ABCA1: variants seen among roughly 807,000 people sequenced by gnomAD.
ABCA1 encodes the protein phospholipid-transporting ATPase ABCA1.
A neutral mutation model predicts 262.5 loss-of-function variants in ABCA1; 133 were observed. The observed-to-expected ratio is 0.51, with a 90% CI of 0.44 to 0.59. The LOEUF (loss-of-function observed/expected upper bound fraction) is 0.59. Among genes scored for constraint, ABCA1 ranks in the 20% least tolerant of loss-of-function variants. The pLI is 0.00. For missense variants in ABCA1, 2,452 were observed against 2,777.5 expected (o/e 0.88, Z 2.63); for synonymous variants, 1,022 against 1,043.5 (o/e 0.98, Z 0.40).
intron 3 of ABCA1, 60 bp downstream of exon 3, chr9:104,889,042 T>G: frequency 1.4e-6 from 2 of 1,470,418 alleles, no homozygotes; most frequent in South Asian, 2.3e-5. Context: ...TTAGCCCACG[T>G]TAATTGCCTG....
chr9:104,796,215 G>T lies in ABCA1; in HGVS notation c.5238-18C>A. ...TTGACCACCTGTTGAGACACAAAAAGATAAGTGTCTACTGAGAGTCCCTGC... is the reference window on the plus strand; with the variant it reads ...TTGACCACCTGTTGAGACACAAAAATATAAGTGTCTACTGAGAGTCCCTGC... On this transcript the variant is annotated intron_variant, in intron 38 of 49. Coordinates refer to ENST00000374736, the MANE Select transcript of ABCA1 (RefSeq NM_005502.4). The T allele has an allele frequency of 6.2e-7, 1 of 1,614,156 alleles. No homozygotes were observed. Among genetic ancestry groups the T allele is most frequent in the Non-Finnish European group, 8.5e-7 (1 of 1,180,012 alleles).
At position 104,791,963 on chromosome 9, in the gene ABCA1, C is replaced by A. The variant is rs1829465556; in HGVS notation, c.5793G>T (p.Arg1931Ser). 1.9e-6 allele frequency: 3 copies of A among 1,613,568 alleles called. No individual in the cohort carries two copies. In the African/African-American group the frequency reaches 4.0e-5, roughly 22 times the overall value. ...YRRKRKPAVD[R>S]ICVGIPPGEC... is the part of the protein sequence containing the mutation. The stretch of plus-strand genomic sequence containing the variant: ...CACCAGGAGGAATGCCCACGCAAAT[C>A]CTGTCAACAGCAGGCTTCCGCTTCC... Residue 1931 changes from arginine to serine, a missense_variant, in exon 43 of 50, where the codon AGG becomes AGT. Arg to Ser is a moderately radical substitution (Grantham distance 110). Transcript: ENST00000374736.
rs758876983 is a variant in ABCA1, at chr9:104,831,814, T to C, written c.1523A>G (p.Asn508Ser). 13 of 1,614,090 alleles carry C rather than the reference T, an allele frequency of 8.1e-6. No homozygotes were observed. Among genetic ancestry groups the C allele is most frequent in the Non-Finnish European group, 1.1e-5 (13 of 1,180,050 alleles). ...TTCTGTTGCTATGGGTTCTAGCTTG[T>C]TCAGGTTGACACACTGATAGAAGAA... ...ISRFMECVNL[N>S]KLEPIATEVW... is the part of the protein sequence containing the mutation. Residue 508 changes from asparagine to serine, a missense_variant, in exon 13 of 50, where the codon AAC (asparagine) becomes AGC (serine). By Grantham distance (46) the Asn-to-Ser change is conservative. This residue lies in a region of ABCA1 where 1,032 missense variants were observed against 1,089.7 expected (regional missense o/e 0.95). Coordinates refer to ENST00000374736, the MANE Select transcript of ABCA1 (RefSeq NM_005502.4).
At chr9:104,876,905 A>T (rs1838213230) in intron 5 of ABCA1, among the ~76,000 whole-genome samples, 1 of 152,248 alleles carries the variant, frequency 6.6e-6, no homozygotes, top group African/African-American at 2.4e-5. Context: ...TGGGGGCCTG[A>T]GGCTGACACA....
rs1215941640 is a variant in ABCA1, at chr9:104,903,729, A to C, written c.-50T>G. On this transcript the variant is annotated 5_prime_UTR_variant, in exon 2 of 50. Transcript: ENST00000374736. ...GTGTGGCTCGGGAGCCCTGGAAGGC[A>C]GCGGCCAGAGCTCACAGCAGGGACG... 1 of 1,534,204 alleles carries C rather than the reference A, an allele frequency of 6.5e-7. No homozygotes were observed. The highest frequency in any genetic ancestry group is 2.0e-5 in the Admixed American group (1 of 51,262).
chr9:104,875,354 A>G (rs1394477279), intron 5 of ABCA1, among the ~76,000 whole-genome samples: 3 of 149,850 alleles, frequency 2.0e-5, no homozygotes, highest in Non-Finnish European at 4.5e-5. Context: ...TCCATCTCAA[A>G]AAAAAAAAAA....
chr9:104,879,063 G>C (rs1021573399), intron 5 of ABCA1, among the ~76,000 whole-genome samples: 1 of 150,780 alleles, frequency 6.6e-6, no homozygotes, highest in Admixed American at 6.6e-5. Flanking sequence ...GACAGAGCGA[G>C]GCTCTGTCTT....
chr9:104,827,566 G>A (rs2118993207), intron 15 of ABCA1, among the ~76,000 whole-genome samples: 1 of 152,306 alleles, frequency 6.6e-6, no homozygotes, highest in African/African-American at 2.4e-5. Flanking sequence ...CAAGGAAAAT[G>A]GCCAGGCAAC....
intron 7 of ABCA1, among the ~76,000 whole-genome samples, chr9:104,846,266 T>C (rs1042264707): frequency 6.6e-6 from 1 of 152,216 alleles, no homozygotes; most frequent in Non-Finnish European, 1.5e-5. Flanking sequence ...AGAATTGCTA[T>C]AGCTGAGGAG....
intron 5 of ABCA1, among the ~76,000 whole-genome samples, chr9:104,862,639 CGG>C (rs1379099383): frequency 1.1e-3 from 6 of 5,376 alleles, no homozygotes; most frequent in Admixed American, 3.5e-3. Context: ...ACTGCCGGGC[CGG>C]GCCGGGCCGG....
chr9:104,838,485 C>T (rs1337489256), intron 9 of ABCA1, among the ~76,000 whole-genome samples: 6 of 150,678 alleles, frequency 4.0e-5, no homozygotes, highest in East Asian at 3.9e-4. Flanking sequence ...GGCATGGTGG[C>T]GGGCACCTGC....
chr9:104,861,304 T>C (rs1836363363), intron 6 of ABCA1: 1 of 357,248 alleles, frequency 2.8e-6, no homozygotes, highest in South Asian at 3.7e-5. Context: ...CTGTCCTCAA[T>C]TTTTTAGACA....
intron 2 of ABCA1, 27 bp downstream of exon 2, chr9:104,903,587 C>G (rs940339761): frequency 2.6e-6 from 4 of 1,566,728 alleles, no homozygotes; most frequent in Non-Finnish European, 3.5e-6. Context: ...TGAGAGAACC[C>G]CCCGCTGCTG....
chr9:104,792,183 G>A (rs943916351), intron 42 of ABCA1, among the ~76,000 whole-genome samples, 185 bp from the exon 43 acceptor site: 2 of 152,196 alleles, frequency 1.3e-5, no homozygotes, highest in African/African-American at 4.8e-5. Context: ...GCTTCTGAAT[G>A]ATTCTGAAGC....
At chr9:104,846,270 T>C (rs1314586177) in intron 7 of ABCA1, among the ~76,000 whole-genome samples, 1 of 152,242 alleles carries the variant, frequency 6.6e-6, no homozygotes, top group Non-Finnish European at 1.5e-5. Context: ...TTGCTATAGC[T>C]GAGGAGCCTC....
Position 104,824,239 on chromosome 9 carries a change from CAAAG to C in ABCA1, c.2656+222_2656+225del, listed in dbSNP as rs56083895. Among the ~76,000 whole-genome samples the C allele has an allele frequency of 0.06, 9,133 of 152,230 alleles. 457 individuals carry two copies. The highest frequency in any genetic ancestry group is 0.28 in the East Asian group (1,436 of 5,130). ...GATACTCTTCTAGAAGCCAAGACAA[CAAAG>C]AAAATGTCCCTCAGGGATCGAGACC... On this transcript the variant is annotated intron_variant, in intron 18 of 49. Transcript: ENST00000374736.
chr9:104,832,484 C>A, intron 12 of ABCA1, 90 bp downstream of exon 12: 1 of 1,410,354 alleles, frequency 7.1e-7, no homozygotes, highest in Admixed American at 1.8e-5. Context: ...TACATTATTT[C>A]TAAACTTGCC....
At chr9:104,822,384 G>T (rs758826167) in intron 19 of ABCA1, 112 bp downstream of exon 19, 23 of 1,403,414 alleles carry the variant, frequency 1.6e-5, no homozygotes, top group Non-Finnish European at 2.2e-5. Context: ...AACTCCTCAT[G>T]TGCTCCTTCC....
Position 104,840,339 on chromosome 9 carries a change from C to A in ABCA1, c.994G>T (p.Ala332Ser). The A allele has an allele frequency of 6.2e-7, 1 of 1,614,200 alleles. No individual in the cohort carries two copies. Among genetic ancestry groups the A allele is most frequent in the South Asian group, 1.1e-5 (1 of 91,068 alleles). The change falls in exon 9 of 50, where the codon GCC becomes TCC. Residue 332 changes from alanine to serine, a missense_variant. Coordinates refer to ENST00000374736, the MANE Select transcript of ABCA1 (RefSeq NM_005502.4). ...TCAGTGCCATTGCCTCCAAAGAGGGCTTTGTAGTTGTTGTCCTCATACCAG... is the reference window on the plus strand; with the variant it reads ...TCAGTGCCATTGCCTCCAAAGAGGGATTTGTAGTTGTTGTCCTCATACCAG... ...LNWYEDNNYKALFGGNGTEED... is the reference protein window; with the variant it reads ...LNWYEDNNYKSLFGGNGTEED...
Sources: allele counts gnomAD v4.1 joint callset (sites outside exome capture counted in the v4.1 genomes callset), GRCh38; gene constraint gnomAD v4.1.1; regional missense constraint gnomAD v4.1.1; transcripts MANE v1.5; gene names NCBI Gene and HGNC (gene_info 2026-07-23, HGNC 2026-07-21).